The following CDKAL1 variants were observed in gnomAD, a reference collection of about 807,000 sequenced individuals.
CDKAL1 encodes CDKAL1 threonylcarbamoyladenosine tRNA methylthiotransferase.
A neutral mutation model predicts 68.2 loss-of-function variants in CDKAL1; 32 were observed. That is an observed-to-expected ratio of 0.47 (90% CI 0.35 to 0.63). The LOEUF (loss-of-function observed/expected upper bound fraction) is 0.63. Ranked by LOEUF, CDKAL1 falls within the 30% of genes least tolerant of loss-of-function variation. The pLI, the probability that CDKAL1 is intolerant of heterozygous loss-of-function variation, is 0.00. For synonymous variants in CDKAL1, 234 were observed against 244.3 expected (o/e 0.96, Z 0.39); for missense variants, 606 against 696.7 (o/e 0.87, Z 1.47).
intron 7 of CDKAL1, among the ~76,000 whole-genome samples, chr6:20,768,530 G>A (rs912417156): frequency 1.3e-5 from 2 of 152,146 alleles, no homozygotes; most frequent in Non-Finnish European, 2.9e-5. Flanking sequence ...TTGTGGCAGA[G>A]GTACCATGCA....
chr6:21,217,127 A>G (rs1443218151), intron 15 of CDKAL1, among the ~76,000 whole-genome samples: 1 of 151,668 alleles, frequency 6.6e-6, no homozygotes, highest in African/African-American at 2.4e-5. Flanking sequence ...CTAATTACAA[A>G]TGAGGTTGAG....
At chr6:21,192,180 C>T (rs1778281463) in intron 13 of CDKAL1, among the ~76,000 whole-genome samples, 1 of 148,186 alleles carries the variant, frequency 6.7e-6, no homozygotes, top group African/African-American at 2.5e-5. Context: ...CACCACCGCG[C>T]CCGGCTAATT....
intron 10 of CDKAL1, among the ~76,000 whole-genome samples, chr6:20,982,753 G>A (rs922461003): frequency 2.6e-5 from 4 of 151,734 alleles, no homozygotes; most frequent in African/African-American, 7.3e-5. Flanking sequence ...TATTTGTAGA[G>A]ACCACAGACT....
At chr6:20,947,776 A>C (rs764063570) in intron 9 of CDKAL1, among the ~76,000 whole-genome samples, 9 of 152,136 alleles carry the variant, frequency 5.9e-5, no homozygotes, top group Non-Finnish European at 1.5e-5. Flanking sequence ...TGAATATCTC[A>C]TGCAATGTGT....
chr6:20,568,829 C>T (rs999024395), intron 4 of CDKAL1, among the ~76,000 whole-genome samples: 3 of 152,110 alleles, frequency 2.0e-5, no homozygotes, highest in African/African-American at 4.8e-5. Flanking sequence ...CCCTATGCTG[C>T]CACTCTGCCC....
intron 9 of CDKAL1, among the ~76,000 whole-genome samples, chr6:20,951,225 G>A (rs1424437119): frequency 6.6e-6 from 1 of 152,090 alleles, no homozygotes; most frequent in Non-Finnish European, 1.5e-5. Flanking sequence ...CAAAGATAAA[G>A]CAGGAACTAC....
At chr6:20,975,444 TTAC>T (rs1472981360) in intron 10 of CDKAL1, among the ~76,000 whole-genome samples, 11 of 152,250 alleles carry the variant, frequency 7.2e-5, no homozygotes, top group African/African-American at 2.7e-4. Context: ...CTATTTGATT[TTAC>T]TACATTAGGT....
intron 5 of CDKAL1, among the ~76,000 whole-genome samples, chr6:20,683,637 A>G (rs982823656): frequency 4.6e-5 from 7 of 152,296 alleles, no homozygotes; most frequent in Non-Finnish European, 7.4e-5. Flanking sequence ...CTGCCCCCAC[A>G]TATCTGCAGC....
chr6:21,212,659 T>G (rs963848755), intron 15 of CDKAL1, among the ~76,000 whole-genome samples: 3 of 151,888 alleles, frequency 2.0e-5, no homozygotes, highest in Non-Finnish European at 4.4e-5. Context: ...AGAAATAGAG[T>G]GTGTTTGTTT....
chr6:20,933,768 C>T (rs1016782201), intron 9 of CDKAL1, among the ~76,000 whole-genome samples: 1 of 152,106 alleles, frequency 6.6e-6, no homozygotes, highest in Non-Finnish European at 1.5e-5. Context: ...TTTTTAAGCA[C>T]CCTGAATCTT....
At chr6:20,777,211 G>C (rs932592456) in intron 7 of CDKAL1, among the ~76,000 whole-genome samples, 1 of 152,150 alleles carries the variant, frequency 6.6e-6, no homozygotes, top group African/African-American at 2.4e-5. Flanking sequence ...AAGTTTGTCA[G>C]GCAGAAAAGA....
chr6:20,678,318 C>A (rs907652237), intron 5 of CDKAL1, among the ~76,000 whole-genome samples: 3 of 152,112 alleles, frequency 2.0e-5, no homozygotes, highest in African/African-American at 7.2e-5. Context: ...CTTTTCTTTT[C>A]ATATTTATTC....
At chr6:20,833,237 C>T (rs971445372) in intron 8 of CDKAL1, among the ~76,000 whole-genome samples, 2 of 152,154 alleles carry the variant, frequency 1.3e-5, no homozygotes, top group Non-Finnish European at 2.9e-5. Flanking sequence ...TTACTGACTG[C>T]GTGAGAGAAG....
chr6:20,716,283 G>C (rs567281484), intron 5 of CDKAL1, among the ~76,000 whole-genome samples: 17 of 152,314 alleles, frequency 1.1e-4, no homozygotes, highest in African/African-American at 3.4e-4. Context: ...GAGGTCAAAT[G>C]GGGCCTATTT....
chr6:21,025,448 A>G (rs1471770446), intron 11 of CDKAL1, among the ~76,000 whole-genome samples: 2 of 152,128 alleles, frequency 1.3e-5, no homozygotes. Flanking sequence ...TCAAATTTTA[A>G]AGAAATGCAA....
At position 20,686,072 on chromosome 6, in the gene CDKAL1, ATTTGT is replaced by A. The variant is rs994428916; in HGVS notation, c.371+36699_371+36703del. On this transcript the variant is annotated intron_variant, in intron 5 of 15. Coordinates refer to ENST00000274695, the MANE Select transcript of CDKAL1 (RefSeq NM_017774.3). ...ATCCTGAAACCTTGCTAAATAGCTT[ATTTGT>A]TTTAAGGTTTTTTTTTTTTTTGCCA... 3.3e-5 allele frequency among the ~76,000 whole-genome samples: 4 copies of A among 121,062 alleles called. No homozygotes were observed. In the East Asian group the frequency reaches 8.0e-4, roughly 24 times the overall value. The allele number at this position is 121,062 out of a possible 152,430, so 79.4% of individuals were successfully genotyped here.
intron 15 of CDKAL1, among the ~76,000 whole-genome samples, chr6:21,209,071 G>GATA (rs1383439995): frequency 6.6e-6 from 1 of 152,298 alleles, no homozygotes; most frequent in African/African-American, 2.4e-5. Context: ...ATTGTGCCTT[G>GATA]ATAATAATAA....
At chr6:21,166,768 A>T (rs987320928) in intron 13 of CDKAL1, among the ~76,000 whole-genome samples, 2 of 152,242 alleles carry the variant, frequency 1.3e-5, no homozygotes, top group African/African-American at 4.8e-5. Flanking sequence ...AAAAAAAAGC[A>T]GAGAGATAAT....
intron 5 of CDKAL1, among the ~76,000 whole-genome samples, chr6:20,669,717 G>A (rs760107484): frequency 3.3e-5 from 5 of 151,830 alleles, no homozygotes; most frequent in Admixed American, 6.6e-5. Context: ...CTTATTTCCC[G>A]GCACCATAAG....
Sources: gnomAD v4.1 joint callset for allele counts (sites outside exome capture counted in the v4.1 genomes callset) on GRCh38, gnomAD v4.1.1 for gene constraint, MANE v1.5 for transcripts, NCBI Gene and HGNC (gene_info 2026-07-23, HGNC 2026-07-21) for gene names.